The following ULK1 variants were observed in gnomAD, a reference collection of about 807,000 sequenced individuals.
ULK1 encodes the protein serine/threonine-protein kinase ULK1.
ULK1 carries 48 observed loss-of-function variants against 117.5 expected under a neutral mutation model. The observed-to-expected ratio is 0.41, with a 90% CI of 0.32 to 0.52. ULK1 has a LOEUF of 0.52. Among genes scored for constraint, ULK1 ranks in the 20% least tolerant of loss-of-function variants. The pLI is 0.29. For missense variants in ULK1, 1,387 were observed against 1,473.4 expected, an observed-to-expected ratio of 0.94 and a Z score of 0.96; for synonymous variants, 790 against 637.8, an observed-to-expected ratio of 1.24 and a Z score of -3.60.
chr12:131,920,656 A>C, intron 26 of ULK1: 1 of 189,732 alleles, frequency 5.3e-6, no homozygotes, highest in African/African-American at 2.3e-5. Flanking sequence ...GGCTGAAATG[A>C]TCCTCTTGCC....
In ULK1 at chr12:131,907,539, C is replaced by T. The variant is rs1311931255; in HGVS notation, c.316+8C>T. On this transcript the variant is annotated splice_region_variant and intron_variant, in intron 5 of 27. Coordinates refer to ENST00000321867, the MANE Select transcript of ULK1 (RefSeq NM_003565.4). ...TGGCCGACTACCTGCACGGTGAGTG[C>T]ACAGCTGCGCCACCTGGGCTGCCAG... The T allele has an allele frequency of 6.2e-7, 1 of 1,610,012 alleles. No homozygotes were observed. The highest frequency in any genetic ancestry group is 2.2e-5 in the East Asian group (1 of 44,832).
intron 13 of ULK1, among the ~76,000 whole-genome samples, chr12:131,912,870 G>A (rs1889601435): frequency 1.3e-5 from 2 of 152,062 alleles, no homozygotes; most frequent in African/African-American, 4.8e-5. Flanking sequence ...GTAGATGCCT[G>A]ACCTCCCCCG....
chr12:131,905,410 T>C (rs1314893259), intron 3 of ULK1, among the ~76,000 whole-genome samples: 1 of 152,024 alleles, frequency 6.6e-6, no homozygotes, highest in Non-Finnish European at 1.5e-5. Context: ...ACGCGGCTCC[T>C]GAGGCGCTGA....
At position 131,895,101 on chromosome 12, in the gene ULK1, C is replaced by T. The variant is rs546631115; in HGVS notation, c.100C>T (p.Arg34Cys). ...CGCCTTCGCGGTGGTCTTCAAGGGC[C>T]GCCACCGCGAGGTGAGGCCCCCGTC... is the stretch of plus-strand genomic sequence containing the variant. ...HGAFAVVFKGRHREKHDLEVA... is the reference protein window; with the variant it reads ...HGAFAVVFKGCHREKHDLEVA... Residue 34 changes from arginine to cysteine, a missense_variant, in exon 1 of 28, where the codon CGC becomes TGC. This residue lies in a region of ULK1 where 224 missense variants were observed against 325.2 expected (regional missense o/e 0.69). Coordinates refer to ENST00000321867, the MANE Select transcript of ULK1 (RefSeq NM_003565.4). 37 of 1,560,250 alleles carry T rather than the reference C, an allele frequency of 2.4e-5. No individual in the cohort carries two copies. In the South Asian group the frequency reaches 4.1e-4, roughly 17 times the overall value.
chr12:131,919,232 G>C lies in ULK1; in HGVS notation c.2532G>C (p.Leu844=). The change falls in exon 24 of 28, where the codon CTG becomes CTC. Residue 844 remains leucine (L), a synonymous_variant. Coordinates refer to ENST00000321867, the MANE Select transcript of ULK1 (RefSeq NM_003565.4). ...TGCAGCAAGAGCACACGGAGATCCTGCGTGGCCTGCGCTTCACGCTGCTGT... is the reference window on the plus strand; with the variant it reads ...TGCAGCAAGAGCACACGGAGATCCTCCGTGGCCTGCGCTTCACGCTGCTGT... ...TLMEQEHTEI[L]RGLRFTLLFV... 2 of 1,596,586 alleles carry C rather than the reference G, an allele frequency of 1.3e-6. No individual in the cohort carries two copies. Among genetic ancestry groups the C allele is most frequent in the Non-Finnish European group, 1.7e-6 (2 of 1,177,446 alleles).
Position 131,917,514 on chromosome 12 carries a change from G to A in ULK1, c.2286G>A (p.Gly762=). Residue 762 remains glycine, a synonymous_variant, in exon 22 of 28, where the codon GGG becomes GGA. Transcript: ENST00000321867. ...VVFTVGSPPS[G]STPPQGPRTR... ...TCACCGTGGGCTCTCCCCCGAGCGG[G>A]AGCACGCCCCCCCAGGGCCCCCGCA... 2 of 1,465,266 alleles carry A rather than the reference G, an allele frequency of 1.4e-6. No homozygotes were observed. Among genetic ancestry groups the A allele is most frequent in the Non-Finnish European group, 1.8e-6 (2 of 1,105,866 alleles). The allele number at this position is 1,465,266 out of a possible 1,614,324, so 90.8% of individuals were successfully genotyped here.
intron 19 of ULK1, 108 bp downstream of exon 19, chr12:131,916,267 C>T: frequency 1.3e-6 from 2 of 1,517,624 alleles, no homozygotes; most frequent in South Asian, 1.3e-5. Context: ...CCTTTTGACC[C>T]CCGCCTGGGC....
chr12:131,904,352 T>A (rs939392261), intron 3 of ULK1, among the ~76,000 whole-genome samples: 1 of 152,220 alleles, frequency 6.6e-6, no homozygotes, highest in Non-Finnish European at 1.5e-5. Flanking sequence ...TTTGCCATGT[T>A]GCCCAGGCTG....
intron 26 of ULK1, 158 bp from the exon 27 acceptor site, chr12:131,920,942 C>A: frequency 9.6e-7 from 1 of 1,042,814 alleles, no homozygotes; most frequent in Non-Finnish European, 1.3e-6. Flanking sequence ...CTGTGACCAT[C>A]CCCTCTGCAC....
chr12:131,917,413 C>A lies in ULK1; in HGVS notation c.2185C>A (p.Pro729Thr). ...SLQEKPMEIA[P>T]SAGFGGSLHP... Reference sequence around the variant, plus strand: ...TGAGCCCTTCCTTGCTCTCCCAGCACCCTCAGCTGGCTTTGGAGGGAGCCT... The same window carrying A: ...TGAGCCCTTCCTTGCTCTCCCAGCAACCTCAGCTGGCTTTGGAGGGAGCCT... Residue 729 changes from proline (P) to threonine (T), a missense_variant and splice_region_variant, in exon 22 of 28, where the codon CCC becomes ACC. Transcript: ENST00000321867. The A allele has an allele frequency of 6.6e-7, 1 of 1,518,148 alleles. No individual in the cohort carries two copies. The highest frequency in any genetic ancestry group is 8.8e-7 in the Non-Finnish European group (1 of 1,135,100). 94.0% of individuals were successfully genotyped at this position (1,518,148 alleles called of 1,614,324 possible).
chr12:131,920,267 T>C, intron 26 of ULK1, 131 bp downstream of exon 26: 2 of 1,251,258 alleles, frequency 1.6e-6, no homozygotes, highest in Non-Finnish European at 2.2e-6. Flanking sequence ...GGTCTTGAAA[T>C]GACAGCATTA....
Position 131,921,488 on chromosome 12 carries a change from C to A in ULK1, c.*127C>A, listed in dbSNP as rs978807401. 4.2e-6 allele frequency: 6 copies of A among 1,427,896 alleles called. 1 individual carries two copies. The highest frequency in any genetic ancestry group is 2.9e-6 in the Non-Finnish European group (3 of 1,037,184). The allele number at this position is 1,427,896 out of a possible 1,614,324, so 88.5% of individuals were successfully genotyped here. A position where few individuals can be genotyped will look rare whatever the true frequency, so the allele number is the denominator to read the frequency against. ...GTGCTGAGCCCTGCCCTGGGCCCCA[C>A]GGACAGTCAGCCTGCCGGCCTCCCT... On this transcript the variant is annotated 3_prime_UTR_variant, in exon 28 of 28. Transcript: ENST00000321867.
Position 131,918,687 on chromosome 12 carries a change from G to A in ULK1, c.2511+6G>A. ...CTGAGGAGACCCTCATGGAGGTGAGGGCTGGAGTGAGCAAAGGTTCCCATT... is the reference window on the plus strand; with the variant it reads ...CTGAGGAGACCCTCATGGAGGTGAGAGCTGGAGTGAGCAAAGGTTCCCATT... On this transcript the variant is annotated splice_donor_region_variant and intron_variant, in intron 23 of 27. Transcript: ENST00000321867. The A allele has an allele frequency of 6.3e-7, 1 of 1,575,562 alleles. No homozygotes were observed. The highest frequency in any genetic ancestry group is 8.6e-7 in the Non-Finnish European group (1 of 1,161,148).
In ULK1 at chr12:131,916,040, GCCAGCCCTCC is replaced by G; in HGVS notation, c.1766_1775del (p.Pro589ArgfsTer55). On this transcript the variant is annotated frameshift_variant, in exon 19 of 28. Transcript: ENST00000321867. LOFTEE classifies it high-confidence loss of function. ...GGGAGCTGTGTTCAGCCCACCACAG[GCCAGCCCTCC>G]CCAGCCGTCCCACGGCCTGCAGTCC... The G allele has an allele frequency of 6.2e-7, 1 of 1,612,190 alleles. No homozygotes were observed. Among genetic ancestry groups the G allele is most frequent in the Non-Finnish European group, 8.5e-7 (1 of 1,179,730 alleles).
At chr12:131,900,535 G>A (rs79848789) in intron 3 of ULK1, among the ~76,000 whole-genome samples, 16,515 of 152,190 alleles carry the variant, frequency 0.11, 1,578 homozygotes, top group East Asian at 0.56. Context: ...CCAGGAGTGC[G>A]GCCACCACAG....
chr12:131,918,476 C>T, intron 22 of ULK1, 21 bp from the exon 23 acceptor site: 1 of 1,603,790 alleles, frequency 6.2e-7, no homozygotes. Context: ...TGGTGTGCCC[C>T]TCATCGCCCT....
chr12:131,901,537 C>G (rs1376842709), intron 3 of ULK1, among the ~76,000 whole-genome samples: 6 of 152,190 alleles, frequency 3.9e-5, no homozygotes, highest in African/African-American at 1.4e-4. Context: ...GTGCCCCCCT[C>G]CCCCTCTGCT....
chr12:131,898,840 C>T (rs995336919), intron 3 of ULK1, among the ~76,000 whole-genome samples: 2 of 151,758 alleles, frequency 1.3e-5, no homozygotes, highest in Non-Finnish European at 2.9e-5. Flanking sequence ...CCTATCCGAG[C>T]ATGGGAATGT....
chr12:131,915,879 GTCTCTC>G lies in ULK1; in HGVS notation c.1610-8_1610-3del. On this transcript the variant is annotated splice_polypyrimidine_tract_variant and splice_region_variant and intron_variant, in intron 18 of 27. Transcript: ENST00000321867. ...GGACCGGAAGGTCGTGACGAGGCGT[GTCTCTC>G]TCTAGGCTCCTCTGCACCCGAGCAC... 6.2e-7 allele frequency: 1 copy of G among 1,608,388 alleles called. No individual in the cohort carries two copies. The highest frequency in any genetic ancestry group is 8.5e-7 in the Non-Finnish European group (1 of 1,179,664).
Sources: gnomAD v4.1 joint callset for allele counts (sites outside exome capture counted in the v4.1 genomes callset) on GRCh38, gnomAD v4.1.1 for gene constraint, gnomAD v4.1.1 regional missense constraint, MANE v1.5 for transcripts, NCBI Gene and HGNC (gene_info 2026-07-23, HGNC 2026-07-21) for gene names.